The following CIT variants were observed in gnomAD, a reference collection of about 807,000 sequenced individuals.
CIT encodes citron rho-interacting serine/threonine kinase.
In CIT, 79 loss-of-function variants were observed where a neutral mutation model predicts 272.7. The ratio of observed to expected loss-of-function variants is 0.29; its 90% CI spans 0.24 to 0.35. The LOEUF (loss-of-function observed/expected upper bound fraction) is 0.35, where lower values mean the gene tolerates loss of function less well. CIT is among the 10% of genes least tolerant of loss of function. CIT has a pLI of 1.00. For missense variants in CIT, 1,909 were observed against 2,618.3 expected, an observed-to-expected ratio of 0.73 and a Z score of 5.91; for synonymous variants, 948 against 995.6, an observed-to-expected ratio of 0.95 and a Z score of 0.90.
chr12:119,850,299 G>T, intron 4 of CIT, 24 bp from the exon 5 acceptor site: 1 of 1,463,312 alleles, frequency 6.8e-7, no homozygotes, highest in Non-Finnish European at 9.5e-7. Context: ...AAACTGCTTA[G>T]ACAATTATAA....
At chr12:119,797,676 G>A (rs1014293522) in intron 10 of CIT, among the ~76,000 whole-genome samples, 5 of 152,210 alleles carry the variant, frequency 3.3e-5, no homozygotes, top group Admixed American at 2.0e-4. Flanking sequence ...TAGGGATCTA[G>A]GTAGCAAGCA....
At chr12:119,761,106 G>C (rs886536526) in intron 19 of CIT, 51 bp from the exon 20 acceptor site, 5 of 1,304,802 alleles carry the variant, frequency 3.8e-6, no homozygotes, top group Admixed American at 1.7e-5. Context: ...AGCTGAGGAG[G>C]GAAGACTAAA....
chr12:119,830,784 C>G (rs191780706), intron 7 of CIT, among the ~76,000 whole-genome samples: 140 of 152,252 alleles, frequency 9.2e-4, no homozygotes, highest in Non-Finnish European at 1.5e-3. Context: ...ATCAAAATGT[C>G]AGTAGTGCTG....
At chr12:119,837,106 C>T (rs926063017) in intron 5 of CIT, among the ~76,000 whole-genome samples, 5 of 152,162 alleles carry the variant, frequency 3.3e-5, no homozygotes, top group African/African-American at 7.2e-5. Context: ...CTAAATAGAC[C>T]GGGTCCTTAT....
intron 46 of CIT, among the ~76,000 whole-genome samples, chr12:119,693,987 A>C (rs547664958): frequency 2.0e-5 from 3 of 152,360 alleles, no homozygotes; most frequent in African/African-American, 7.2e-5. Flanking sequence ...CACACCTTAT[A>C]ATAATCCAGA....
Position 119,725,251 on chromosome 12 carries a change from T to C in CIT, c.3591+3251A>G, listed in dbSNP as rs552697851. The stretch of plus-strand genomic sequence containing the variant: ...AAGCTGGGCCAACATCGTGAAACCT[T>C]GTCTCTACTAAAAATACAAAAAAAT... On this transcript the variant is annotated intron_variant, in intron 28 of 47. Coordinates refer to ENST00000392521, the MANE Select transcript of CIT (RefSeq NM_001206999.2). Among the ~76,000 whole-genome samples the C allele has an allele frequency of 2.1e-3, 319 of 151,880 alleles. 5 individuals are homozygous for C. Among genetic ancestry groups the C allele is most frequent in the African/African-American group, 7.4e-3 (308 of 41,420 alleles).
At chr12:119,875,184 T>C (rs949946864) in intron 2 of CIT, among the ~76,000 whole-genome samples, 2 of 151,818 alleles carry the variant, frequency 1.3e-5, no homozygotes, top group African/African-American at 4.8e-5. Context: ...ACACCTGTGG[T>C]CCCAGCTACT....
chr12:119,876,851 T>C (rs1950865414), intron 1 of CIT, among the ~76,000 whole-genome samples: 1 of 151,952 alleles, frequency 6.6e-6, no homozygotes, highest in African/African-American at 2.4e-5. Context: ...CATGAGGTGA[T>C]GGGGTGGGCA....
At chr12:119,824,210 T>C (rs886282516) in intron 8 of CIT, among the ~76,000 whole-genome samples, 1 of 151,188 alleles carries the variant, frequency 6.6e-6, no homozygotes, top group Non-Finnish European at 1.5e-5. Context: ...TAATACCATA[T>C]TCAACAGTTA....
chr12:119,717,838 C>CTTTCTTTTTTTTTTTTTTT (rs1957600727), intron 32 of CIT, among the ~76,000 whole-genome samples: 1 of 81,332 alleles, frequency 1.2e-5, no homozygotes, highest in African/African-American at 5.0e-5. Context: ...TGACTTCTTT[C>CTTTCTTTTTTTTTTTTTTT]TTTTTTTTTT....
chr12:119,712,044 G>T lies in CIT; in HGVS notation c.4854+134C>A. ...CCACCAGACTCCTGGCCATGACACA[G>T]TCTAGAGCCATCAGCCCTCAGAGAG... On this transcript the variant is annotated intron_variant, in intron 37 of 47. Coordinates refer to ENST00000392521, the MANE Select transcript of CIT (RefSeq NM_001206999.2). This position sits in a 1 kb window ranked among gnomAD's most constrained non-coding sequence, Gnocchi z 5.2. The T allele has an allele frequency of 1.2e-6, 1 of 845,344 alleles. No individual in the cohort carries two copies. Among genetic ancestry groups the T allele is most frequent in the Non-Finnish European group, 1.9e-6 (1 of 539,370 alleles). 52.4% of individuals were successfully genotyped at this position (845,344 alleles called of 1,614,324 possible). A position where few individuals can be genotyped will look rare whatever the true frequency, so the allele number is the denominator to read the frequency against.
At chr12:119,702,072 C>T (rs1956615959) in intron 41 of CIT, 114 bp from the exon 42 acceptor site, 3 of 756,846 alleles carry the variant, frequency 4.0e-6, no homozygotes, top group African/African-American at 3.5e-5. Flanking sequence ...AACATTGTCA[C>T]CAAGCTTGTT....
At chr12:119,752,853 GAC>G (rs1960436617) in intron 22 of CIT, among the ~76,000 whole-genome samples, 1 of 152,176 alleles carries the variant, frequency 6.6e-6, no homozygotes, top group Non-Finnish European at 1.5e-5. Context: ...GGAGATGAAA[GAC>G]AGTCTCTGCC....
chr12:119,795,702 G>T (rs867285187), intron 10 of CIT, among the ~76,000 whole-genome samples: 9 of 152,278 alleles, frequency 5.9e-5, no homozygotes, highest in Middle Eastern at 3.4e-3. Flanking sequence ...ACCAGATATT[G>T]CTCCAAGTCT....
chr12:119,713,961 G>C lies in CIT; in HGVS notation c.4306+236C>G. The C allele has an allele frequency of 1.6e-6, 1 of 614,486 alleles. No homozygotes were observed. Among genetic ancestry groups the C allele is most frequent in the South Asian group, 2.1e-5 (1 of 48,760 alleles). The allele number at this position is 614,486 out of a possible 1,614,324, so 38.1% of individuals were successfully genotyped here. Reference sequence around the variant, plus strand: ...AGGGAGAGACCAGCCTGACAAAAAGGGGCTGGAAATTAGCAAAGCCTAAGG... The same window carrying C: ...AGGGAGAGACCAGCCTGACAAAAAGCGGCTGGAAATTAGCAAAGCCTAAGG... On this transcript the variant is annotated intron_variant, in intron 33 of 47. Transcript: ENST00000392521. This position sits in a 1 kb window ranked among gnomAD's most constrained non-coding sequence, Gnocchi z 5.2.
In CIT at chr12:119,701,689, A is replaced by C; in HGVS notation, c.5477T>G (p.Phe1826Cys). 10 of 1,614,194 alleles carry C rather than the reference A, an allele frequency of 6.2e-6. No homozygotes were observed. The highest frequency in any genetic ancestry group is 8.5e-6 in the Non-Finnish European group (10 of 1,180,040). ...GTTCACCTGCACGATTGAGACAGGG[A>C]AGCTGTTGGAAGAGGCGGCAAACAC... ...PAVFAASSNS[F>C]PVSIVQVNSA... The change falls in exon 43 of 48, where the codon TTC (phenylalanine) becomes TGC (cysteine). Residue 1826 changes from phenylalanine (F) to cysteine (C), a missense_variant. Phe to Cys is a radical substitution (Grantham distance 205). Around this residue, in one of 8 missense-constraint regions of CIT, gnomAD observed 780 missense variants for 1,067.2 expected, o/e 0.73. Transcript: ENST00000392521.
intron 3 of CIT, among the ~76,000 whole-genome samples, chr12:119,863,201 C>CGA (rs1301019400): frequency 2.5e-5 from 1 of 40,516 alleles, no homozygotes; most frequent in African/African-American, 8.7e-5. Context: ...GACTCTGTAT[C>CGA]AAAAAAAAAA....
At chr12:119,730,208 G>C (rs1318685142) in intron 27 of CIT, among the ~76,000 whole-genome samples, 4 of 151,918 alleles carry the variant, frequency 2.6e-5, no homozygotes, top group African/African-American at 9.7e-5. Context: ...CAGACAACCA[G>C]AGAGTAGAAC....
chr12:119,697,685 G>T lies in CIT; in HGVS notation c.5856C>A (p.His1952Gln), dbSNP rs755493545. The T allele has an allele frequency of 6.2e-7, 1 of 1,614,162 alleles. No individual in the cohort carries two copies. The highest frequency in any genetic ancestry group is 1.7e-5 in the Admixed American group (1 of 60,026). The change falls in exon 46 of 48, where the codon CAC becomes CAA. Residue 1952 changes from histidine (H) to glutamine (Q), a missense_variant. By Grantham distance (24) the His-to-Gln change is conservative (BLOSUM62 0). Around this residue, in one of 8 missense-constraint regions of CIT, gnomAD observed 780 missense variants for 1,067.2 expected, o/e 0.73. Transcript: ENST00000392521. The surrounding 1 kb of genome is among the most constrained non-coding windows in gnomAD (Gnocchi z 4.9). ...GNLVKESGTE[H>Q]HRGPSTSRSS... ...TGCGGGAGGTGGACGGGCCCCGGTG[G>T]TGTTCAGTGCCGGACTCCTTCACGA...
Sources: allele counts gnomAD v4.1 joint callset (sites outside exome capture counted in the v4.1 genomes callset), GRCh38; gene constraint gnomAD v4.1.1; regional missense constraint gnomAD v4.1.1; non-coding constraint Gnocchi (gnomAD v3.1); transcripts MANE v1.5; gene names NCBI Gene and HGNC (gene_info 2026-07-23, HGNC 2026-07-21).